Variants in DNASE1L3 observed in about 807,000 individuals in gnomAD.
DNASE1L3 encodes the protein deoxyribonuclease 1L3.
Under a neutral mutation model 30.9 loss-of-function variants are expected in DNASE1L3, and 27 were observed. That is an observed-to-expected ratio of 0.87 (90% CI 0.64 to 1.20). The LOEUF (loss-of-function observed/expected upper bound fraction) is 1.20, where lower values mean the gene tolerates loss of function less well. DNASE1L3 is among the 50% of genes most tolerant of loss of function. The probability of loss-of-function intolerance (pLI) is 0.00; values close to 1 mark genes in which losing one functional copy is unlikely to be tolerated. For synonymous variants in DNASE1L3, 135 were observed against 138.0 expected (o/e 0.98, Z 0.15); for missense variants, 364 against 378.2 (o/e 0.96, Z 0.31).
At chr3:58,194,836 G>A (rs2097396289) in intron 6 of DNASE1L3, among the ~76,000 whole-genome samples, 2 of 151,506 alleles carry the variant, frequency 1.3e-5, no homozygotes, top group South Asian at 2.1e-4. Context: ...CACTGTGTTA[G>A]CCAGGATGGT....
At chr3:58,202,149 CTTTT>C (rs771675575) in intron 4 of DNASE1L3, among the ~76,000 whole-genome samples, 1 of 138,532 alleles carries the variant, frequency 7.2e-6, no homozygotes. Context: ...TAAAGGTTTC[CTTTT>C]TTTTTTTTTG....
intron 4 of DNASE1L3, 141 bp downstream of exon 4, chr3:58,204,628 G>T: frequency 2.9e-6 from 2 of 679,862 alleles, no homozygotes; most frequent in South Asian, 3.9e-5. Flanking sequence ...ACACTGAACT[G>T]CATCGTCTAC....
At chr3:58,210,021 A>G (rs1267900078) in intron 1 of DNASE1L3, among the ~76,000 whole-genome samples, 1 of 152,070 alleles carries the variant, frequency 6.6e-6, no homozygotes, top group East Asian at 1.9e-4. Context: ...GCGTAAGCGA[A>G]AGTGGAAGGA....
intron 6 of DNASE1L3, among the ~76,000 whole-genome samples, chr3:58,196,589 A>C (rs1343354038): frequency 1.4e-5 from 2 of 147,704 alleles, no homozygotes; most frequent in African/African-American, 4.9e-5. Flanking sequence ...TCCGAGAGGA[A>C]GTGAAAACGA....
chr3:58,210,760 G>T lies in DNASE1L3; in HGVS notation c.141+6C>A, dbSNP rs762697701. 10 of 1,614,090 alleles carry T rather than the reference G, an allele frequency of 6.2e-6. No individual in the cohort carries two copies. Among genetic ancestry groups the T allele is most frequent in the Non-Finnish European group, 7.6e-6 (9 of 1,179,990 alleles). On this transcript the variant is annotated splice_donor_region_variant and intron_variant, in intron 1 of 7. Transcript: ENST00000394549. Reference sequence around the variant, plus strand: ...CTGGGATCCTCCTCCCAGGAAAGGGGCTCACCTTCACAATGACATCCATGG... The same window carrying T: ...CTGGGATCCTCCTCCCAGGAAAGGGTCTCACCTTCACAATGACATCCATGG...
Position 58,208,426 on chromosome 3 carries a change from C to T in DNASE1L3, c.142-120G>A, listed in dbSNP as rs2097405485. The T allele has an allele frequency of 2.8e-6, 3 of 1,058,666 alleles. No individual in the cohort carries two copies. In the South Asian group the frequency reaches 4.5e-5, roughly 16 times the overall value. The allele number at this position is 1,058,666 out of a possible 1,614,324, so 65.6% of individuals were successfully genotyped here. A position where few individuals can be genotyped will look rare whatever the true frequency, so the allele number is the denominator to read the frequency against. On this transcript the variant is annotated intron_variant, in intron 1 of 7. Transcript: ENST00000394549. ...AGTGCTTATTAAAATAATTTCTTCT[C>T]TGAACTAAATGAAGGACTCCCTGAG... is the stretch of plus-strand genomic sequence containing the variant.
At chr3:58,199,832 T>C (rs2097399541) in intron 5 of DNASE1L3, among the ~76,000 whole-genome samples, 1 of 152,202 alleles carries the variant, frequency 6.6e-6, no homozygotes, top group Admixed American at 6.5e-5. Flanking sequence ...AAAGAATGAA[T>C]CTTTCTTTTG....
At position 58,200,436 on chromosome 3, in the gene DNASE1L3, G is replaced by A. The variant is rs2097399922; in HGVS notation, c.546+561C>T. ...TGAGAATGGAGCCACACAGAGGAAA[G>A]GGCAACCAGGAGATAGAAAGGAAGA... On this transcript the variant is annotated intron_variant, in intron 5 of 7. Coordinates refer to ENST00000394549, the MANE Select transcript of DNASE1L3 (RefSeq NM_004944.4). The surrounding 1 kb of genome is among the most constrained non-coding windows in gnomAD (Gnocchi z 4.2). Among the ~76,000 whole-genome samples the A allele has an allele frequency of 6.6e-6, 1 of 152,162 alleles. No homozygotes were observed. Among genetic ancestry groups the A allele is most frequent in the South Asian group, 2.1e-4 (1 of 4,828 alleles).
In DNASE1L3 at chr3:58,193,446, CAAGGGGA is replaced by C. The variant is rs764209862; in HGVS notation, c.705-14_705-8del. On this transcript the variant is annotated splice_polypyrimidine_tract_variant and splice_region_variant and intron_variant, in intron 6 of 7. Transcript: ENST00000394549. Reference sequence around the variant, plus strand: ...TTGTCCTCTAAGCACAATCCTGGAACAAGGGGAGGGAAAACAGTTGTGTTAATCCAAC... The same window carrying C: ...TTGTCCTCTAAGCACAATCCTGGAACGGGAAAACAGTTGTGTTAATCCAAC... 2.4e-5 allele frequency: 38 copies of C among 1,607,888 alleles called. No individual in the cohort carries two copies. Among genetic ancestry groups the C allele is most frequent in the Non-Finnish European group, 2.9e-5 (34 of 1,175,088 alleles).
chr3:58,208,117 G>T, intron 2 of DNASE1L3, 101 bp downstream of exon 2: 1 of 1,133,856 alleles, frequency 8.8e-7, no homozygotes. Flanking sequence ...GTGAACTGGT[G>T]GTCAAGTGCG....
At position 58,192,503 on chromosome 3, in the gene DNASE1L3, G is replaced by A. The variant is rs939776935; in HGVS notation, c.*184C>T. The A allele has an allele frequency of 1.8e-6, 1 of 550,848 alleles. No homozygotes were observed. The highest frequency in any genetic ancestry group is 3.0e-6 in the Non-Finnish European group (1 of 327,986). The allele number at this position is 550,848 out of a possible 1,614,324, so 34.1% of individuals were successfully genotyped here. ...GTTCCCTTTTAGACAATTCAGGGGA[G>A]GTATGAGACCAAGAGAGATACAAAA... On this transcript the variant is annotated 3_prime_UTR_variant, in exon 8 of 8. Coordinates refer to ENST00000394549, the MANE Select transcript of DNASE1L3 (RefSeq NM_004944.4). This position sits in a 1 kb window ranked among gnomAD's most constrained non-coding sequence, Gnocchi z 4.8.
intron 1 of DNASE1L3, among the ~76,000 whole-genome samples, chr3:58,209,848 T>C (rs1420828970): frequency 6.6e-6 from 1 of 152,208 alleles, no homozygotes; most frequent in Admixed American, 6.5e-5. Context: ...TACCACACCA[T>C]GGTGTCTCAG....
intron 6 of DNASE1L3, among the ~76,000 whole-genome samples, chr3:58,195,239 C>A (rs148296553): frequency 3.9e-5 from 6 of 152,302 alleles, no homozygotes; most frequent in Non-Finnish European, 7.3e-5. Flanking sequence ...TTTAAAACAT[C>A]ATTTTTATGG....
At chr3:58,209,761 T>C (rs2097406444) in intron 1 of DNASE1L3, among the ~76,000 whole-genome samples, 5 of 152,160 alleles carry the variant, frequency 3.3e-5, no homozygotes, top group Admixed American at 3.3e-4. Context: ...GGGGAGCTGG[T>C]GGTTCAGGGA....
chr3:58,205,797 C>T, intron 2 of DNASE1L3, among the ~76,000 whole-genome samples: 1 of 152,214 alleles, frequency 6.6e-6, no homozygotes, highest in East Asian at 1.9e-4. Context: ...ATCATTACCC[C>T]CTTTCTATGG....
At chr3:58,209,983 C>A (rs1239000754) in intron 1 of DNASE1L3, among the ~76,000 whole-genome samples, 1 of 151,940 alleles carries the variant, frequency 6.6e-6, no homozygotes, top group Non-Finnish European at 1.5e-5. Flanking sequence ...GCAGTGTCCC[C>A]GGACATTGGG....
At chr3:58,202,945 C>G (rs949283661) in intron 4 of DNASE1L3, among the ~76,000 whole-genome samples, 1 of 152,142 alleles carries the variant, frequency 6.6e-6, no homozygotes, top group African/African-American at 2.4e-5. Flanking sequence ...ATGGTCTTCA[C>G]GAAAGACTTT....
chr3:58,193,094 T>C, intron 7 of DNASE1L3: 1 of 1,339,166 alleles, frequency 7.5e-7, no homozygotes, highest in African/African-American at 1.7e-5. Flanking sequence ...TTTTTTTTTT[T>C]GAGACAGGAT....
rs762697701 is a variant in DNASE1L3 at position 58,210,760 on chromosome 3, G to A, written c.141+6C>T. On this transcript the variant is annotated splice_donor_region_variant and intron_variant, in intron 1 of 7. Transcript: ENST00000394549. ...CTGGGATCCTCCTCCCAGGAAAGGG[G>A]CTCACCTTCACAATGACATCCATGG... 5 of 1,614,090 alleles carry A rather than the reference G, an allele frequency of 3.1e-6. No homozygotes were observed. The East Asian group carries it at 1.1e-4, about 36-fold the overall frequency.
Sources: gnomAD v4.1 joint callset for allele counts (sites outside exome capture counted in the v4.1 genomes callset) on GRCh38, gnomAD v4.1.1 for gene constraint, Gnocchi (gnomAD v3.1) non-coding constraint, MANE v1.5 for transcripts, NCBI Gene and HGNC (gene_info 2026-07-23, HGNC 2026-07-21) for gene names.